The following AUH variants were observed in gnomAD, a reference collection of about 807,000 sequenced individuals.
AUH encodes the protein AU RNA binding methylglutaconyl-CoA hydratase.
AUH carries 29 observed loss-of-function variants against 42.3 expected under a neutral mutation model. That is an observed-to-expected ratio of 0.69 (90% CI 0.51 to 0.93). AUH has a LOEUF of 0.93. Among genes scored for constraint, AUH ranks in the 40% least tolerant of loss-of-function variants. The probability of loss-of-function intolerance (pLI) is 0.00; values close to 1 mark genes in which losing one functional copy is unlikely to be tolerated. For synonymous variants in AUH, 174 were observed against 166.4 expected (o/e 1.05, Z -0.35); for missense variants, 452 against 438.1 (o/e 1.03, Z -0.28).
chr9:91,329,311 A>AAAAAAAC (rs1554715778), intron 3 of AUH, among the ~76,000 whole-genome samples: 1 of 151,648 alleles, frequency 6.6e-6, no homozygotes, highest in African/African-American at 2.4e-5. Flanking sequence ...AAAGAAAAAA[A>AAAAAAAC]AAAAACAAAA....
chr9:91,327,807 G>A (rs960482763), intron 3 of AUH, among the ~76,000 whole-genome samples: 3 of 152,198 alleles, frequency 2.0e-5, no homozygotes, highest in Non-Finnish European at 2.9e-5. Flanking sequence ...AGGACTCCCC[G>A]AGCAAGAGTT....
intron 6 of AUH, among the ~76,000 whole-genome samples, chr9:91,282,218 T>C (rs1469088844): frequency 9.9e-5 from 15 of 152,212 alleles, no homozygotes; most frequent in Admixed American, 9.8e-4. Context: ...CAGATCTGTA[T>C]GATTAATTTC....
rs10991861 is a variant in AUH, at chr9:91,269,189, C to G, written c.655+26832G>C. ...AGAGATGGGGTTTCACCATATTGGCCAGGCTGGTCTCGAACTCCTGACCTC... is the reference window on the plus strand; with the variant it reads ...AGAGATGGGGTTTCACCATATTGGCGAGGCTGGTCTCGAACTCCTGACCTC... On this transcript the variant is annotated intron_variant, in intron 6 of 9. Coordinates refer to ENST00000375731, the MANE Select transcript of AUH (RefSeq NM_001698.3). 6.1e-3 allele frequency among the ~76,000 whole-genome samples: 925 copies of G among 152,286 alleles called. 9 individuals are homozygous for G. Among genetic ancestry groups the G allele is most frequent in the African/African-American group, 0.021 (883 of 41,564 alleles).
chr9:91,251,563 G>A (rs1429479919), intron 6 of AUH, among the ~76,000 whole-genome samples: 1 of 152,124 alleles, frequency 6.6e-6, no homozygotes, highest in Non-Finnish European at 1.5e-5. Flanking sequence ...CAGAAGCTGT[G>A]GTTTCCATTG....
intron 3 of AUH, among the ~76,000 whole-genome samples, chr9:91,348,171 C>T (rs1330079544): frequency 1.3e-5 from 2 of 151,654 alleles, no homozygotes; most frequent in Admixed American, 1.3e-4. Context: ...AACAGATATA[C>T]AGGTGACACA....
chr9:91,236,938 A>G (rs1186339051), intron 6 of AUH, among the ~76,000 whole-genome samples: 5 of 152,210 alleles, frequency 3.3e-5, no homozygotes, highest in African/African-American at 1.2e-4. Flanking sequence ...TGGCAGGAAA[A>G]AAAACCCCAT....
At chr9:91,262,713 G>A (rs776648908) in intron 6 of AUH, among the ~76,000 whole-genome samples, 18 of 151,664 alleles carry the variant, frequency 1.2e-4, no homozygotes, top group African/African-American at 3.9e-4. Flanking sequence ...GGGTGGGGGC[G>A]TGGGGTGGGG....
chr9:91,352,269 T>C (rs972023041), intron 3 of AUH, among the ~76,000 whole-genome samples: 2 of 151,994 alleles, frequency 1.3e-5, no homozygotes, highest in African/African-American at 4.8e-5. Flanking sequence ...GGAGACCCCG[T>C]CTCAAAAAAA....
At chr9:91,345,288 A>G (rs1036460849) in intron 3 of AUH, among the ~76,000 whole-genome samples, 2 of 152,206 alleles carry the variant, frequency 1.3e-5, no homozygotes, top group Non-Finnish European at 2.9e-5. Context: ...CTACCTTTGT[A>G]GAAAACCCCA....
At chr9:91,218,689 T>C in intron 7 of AUH, 6 of 985,220 alleles carry the variant, frequency 6.1e-6, no homozygotes, top group Non-Finnish European at 7.2e-6. Flanking sequence ...CCTTAAAACA[T>C]TTCCAGTGCC....
At chr9:91,315,972 A>T (rs1010174910) in intron 4 of AUH, among the ~76,000 whole-genome samples, 1 of 152,208 alleles carries the variant, frequency 6.6e-6, no homozygotes, top group African/African-American at 2.4e-5. Flanking sequence ...TCAAATCAAC[A>T]TTGTGTTTCA....
intron 4 of AUH, among the ~76,000 whole-genome samples, chr9:91,319,656 G>C (rs541296595): frequency 6.6e-6 from 1 of 152,154 alleles, no homozygotes; most frequent in Non-Finnish European, 1.5e-5. Flanking sequence ...AGGAACACGG[G>C]GCTGCAAAGT....
Position 91,361,754 on chromosome 9 carries a change from C to T in AUH, c.136G>A (p.Gly46Ser). The change falls in exon 1 of 10, where the codon GGC becomes AGC. Residue 46 changes from glycine (G) to serine (S), a missense_variant. By Grantham distance (56) the Gly-to-Ser change is moderately conservative (BLOSUM62 0). Transcript: ENST00000375731. ...CAGCCCTGGGCCCAGATCGCCGGGCCCGCTCGCCGGCCTGCCAACGAGCCG... is the reference window on the plus strand; with the variant it reads ...CAGCCCTGGGCCCAGATCGCCGGGCTCGCTCGCCGGCCTGCCAACGAGCCG... ...LPGSLAGRRA[G>S]PAIWAQGWVP... The T allele has an allele frequency of 6.5e-7, 1 of 1,545,076 alleles. No individual in the cohort carries two copies. The highest frequency in any genetic ancestry group is 8.7e-7 in the Non-Finnish European group (1 of 1,145,478).
intron 5 of AUH, among the ~76,000 whole-genome samples, chr9:91,296,635 A>T (rs1486094391): frequency 6.6e-6 from 1 of 152,204 alleles, no homozygotes; most frequent in African/African-American, 2.4e-5. Context: ...TTATTTGCAT[A>T]TCCAAATATA....
At chr9:91,251,493 T>C (rs1247377361) in intron 6 of AUH, among the ~76,000 whole-genome samples, 1 of 152,018 alleles carries the variant, frequency 6.6e-6, no homozygotes, top group Non-Finnish European at 1.5e-5. Flanking sequence ...CTGAGAGGAG[T>C]CACTGGAGAA....
At chr9:91,305,514 G>A (rs1828142534) in intron 4 of AUH, among the ~76,000 whole-genome samples, 1 of 152,186 alleles carries the variant, frequency 6.6e-6, no homozygotes, top group African/African-American at 2.4e-5. Flanking sequence ...ACTGTGGGGA[G>A]TTCAAATGTC....
chr9:91,355,920 T>C lies in AUH; in HGVS notation c.381A>G (p.Ile127Met), dbSNP rs146227896. The C allele has an allele frequency of 1.1e-3, 1,735 of 1,613,526 alleles. 8 individuals carry two copies. The highest frequency in any genetic ancestry group is 4.8e-3 in the Middle Eastern group (29 of 6,058). ...TCCCTGGGACTTCACTCCTGATTAT[T>C]ATGGTCCGTACTTTCTTATCAGATT... Reference protein sequence around the residue: ...ALKSDKKVRTIIIRSEVPGIF... With the variant: ...ALKSDKKVRTMIIRSEVPGIF... Residue 127 changes from isoleucine (I) to methionine (M), a missense_variant, in exon 3 of 10, where the codon ATA (isoleucine) becomes ATG (methionine). Physicochemically the swap from Ile to Met is conservative, Grantham distance 10. Coordinates refer to ENST00000375731, the MANE Select transcript of AUH (RefSeq NM_001698.3).
At chr9:91,225,535 G>C (rs564751392) in intron 6 of AUH, among the ~76,000 whole-genome samples, 1 of 151,938 alleles carries the variant, frequency 6.6e-6, no homozygotes, top group East Asian at 1.9e-4. Context: ...TAAAGTGCCA[G>C]TTCTTTTTTT....
intron 6 of AUH, among the ~76,000 whole-genome samples, chr9:91,237,015 A>G (rs948815949): frequency 2.0e-4 from 31 of 152,262 alleles, no homozygotes; most frequent in African/African-American, 7.0e-4. Context: ...CCAATTACCT[A>G]CTTATTGAAT....
Sources: allele counts gnomAD v4.1 joint callset (sites outside exome capture counted in the v4.1 genomes callset), GRCh38; gene constraint gnomAD v4.1.1; transcripts MANE v1.5; gene names NCBI Gene and HGNC (gene_info 2026-07-23, HGNC 2026-07-21).